NLGN4X: variants seen among roughly 807,000 people sequenced by gnomAD.
NLGN4X encodes neuroligin 4 X-linked.
Under a neutral mutation model 40.3 loss-of-function variants are expected in NLGN4X, and 3 were observed. The ratio of observed to expected loss-of-function variants is 0.07; its 90% CI spans 0.03 to 0.19. NLGN4X has a LOEUF of 0.19. NLGN4X is among the 10% of genes least tolerant of loss of function. The pLI is 1.00. For synonymous variants in NLGN4X, 270 were observed against 306.8 expected, an observed-to-expected ratio of 0.88 and a Z score of 1.25; for missense variants, 382 against 708.3, an observed-to-expected ratio of 0.54 and a Z score of 5.23.
chrX:5,936,656 A>G (rs966040538), intron 3 of NLGN4X, among the ~76,000 whole-genome samples: 15 of 112,011 alleles, frequency 1.3e-4, no homozygotes, highest in African/African-American at 4.9e-4. Context: ...GGTACATAGT[A>G]ATTACTCAAA....
intron 2 of NLGN4X, among the ~76,000 whole-genome samples, chrX:6,096,746 T>TA (rs2038786354): frequency 8.9e-6 from 1 of 111,823 alleles, no homozygotes; most frequent in Non-Finnish European, 1.9e-5. Flanking sequence ...AGCACACACA[T>TA]ACGAACATGA....
At chrX:5,947,429 G>A (rs1469612385) in intron 3 of NLGN4X, among the ~76,000 whole-genome samples, 1 of 111,952 alleles carries the variant, frequency 8.9e-6, no homozygotes, top group African/African-American at 3.2e-5. Context: ...AGTTCAAAAT[G>A]CACGCAAGGT....
chrX:6,186,670 T>C (rs1423775920), intron 1 of NLGN4X: 3 of 111,559 alleles, frequency 2.7e-5, no homozygotes, highest in Non-Finnish European at 5.6e-5. Context: ...GAAACCACCA[T>C]AGAATGAAAA....
Position 6,048,041 on chromosome X carries a change from C to G in NLGN4X, c.473-18609G>C, listed in dbSNP as rs181521557. Among the ~76,000 whole-genome samples, 26 of 111,682 alleles carry G rather than the reference C, an allele frequency of 2.3e-4. 1 individual carries two copies. The East Asian group carries it at 6.5e-3, about 28-fold the overall frequency. On this transcript the variant is annotated intron_variant, in intron 2 of 5. Coordinates refer to ENST00000381095, the MANE Select transcript of NLGN4X (RefSeq NM_181332.3). ...CTTGGTTCGTGGTCCCATGAAATTC[C>G]CGCTGTGCCCTGTCCTGTGCTTCCA...
chrX:6,084,265 A>C (rs1358889557), intron 2 of NLGN4X, among the ~76,000 whole-genome samples: 2 of 112,092 alleles, frequency 1.8e-5, no homozygotes, highest in Admixed American at 9.4e-5. Context: ...ATAGAGAACC[A>C]GTTTTGGAGA....
In NLGN4X at chrX:6,228,808, G is replaced by C. The variant is rs1012606407; in HGVS notation, c.-573C>G. On this transcript the variant is annotated 5_prime_UTR_variant, in exon 1 of 6. Transcript: ENST00000381095. ...TTACAATTGAAGCAGGAAGGGCCAA[G>C]CTAGTGGCTGAATAAGAGCTCTGTG... 4 of 112,024 alleles carry C rather than the reference G, an allele frequency of 3.6e-5. No homozygotes were observed. Among genetic ancestry groups the C allele is most frequent in the African/African-American group, 1.3e-4 (4 of 30,796 alleles). The allele number at this position is 112,024 out of a possible 1,213,427, so 9.2% of individuals were successfully genotyped here.
chrX:6,027,962 G>A lies in NLGN4X; in HGVS notation c.625+1318C>T, dbSNP rs188758342. ...CTCCTGAGTAGCTGGGATTACAGGC[G>A]CCTGCCATCAGGCCCAGTTAATTTT... On this transcript the variant is annotated intron_variant, in intron 3 of 5. Coordinates refer to ENST00000381095, the MANE Select transcript of NLGN4X (RefSeq NM_181332.3). Among the ~76,000 whole-genome samples the A allele has an allele frequency of 1.5e-3, 163 of 109,773 alleles. 1 individual carries two copies. Among genetic ancestry groups the A allele is most frequent in the Admixed American group, 4.0e-3 (41 of 10,289 alleles).
chrX:6,105,824 TTGTC>T (rs1233325026), intron 2 of NLGN4X, among the ~76,000 whole-genome samples: 1 of 112,257 alleles, frequency 8.9e-6, no homozygotes, highest in Non-Finnish European at 1.9e-5. Context: ...GGTGGTTAGA[TTGTC>T]TGTTGTTCTT....
At chrX:5,941,126 T>C (rs1601922887) in intron 3 of NLGN4X, among the ~76,000 whole-genome samples, 1 of 69,248 alleles carries the variant, frequency 1.4e-5, no homozygotes, top group African/African-American at 5.0e-5. Context: ...AGACACTCCC[T>C]CCTACAAAAA....
chrX:6,110,055 G>A (rs2039113852), intron 2 of NLGN4X, among the ~76,000 whole-genome samples: 1 of 111,633 alleles, frequency 9.0e-6, no homozygotes, highest in Non-Finnish European at 1.9e-5. Context: ...TCCCTCCAAA[G>A]CAAGGCTGCC....
intron 2 of NLGN4X, among the ~76,000 whole-genome samples, chrX:6,093,654 T>C (rs2038692946): frequency 9.0e-6 from 1 of 111,605 alleles, no homozygotes; most frequent in South Asian, 3.7e-4. Context: ...ATATCTGTCA[T>C]ATGAAATGAT....
rs147228450 is a variant in NLGN4X at position 6,014,549 on chromosome X, C to A, written c.625+14731G>T. 1.4e-4 allele frequency among the ~76,000 whole-genome samples: 16 copies of A among 111,526 alleles called. No individual in the cohort carries two copies. In the East Asian group the frequency reaches 4.2e-3, roughly 29 times the overall value. ...TAGATACCAAGTAAGGAATGTTTTT[C>A]GTGAAGGAGAGAGTCATCGAGAACT... On this transcript the variant is annotated intron_variant, in intron 3 of 5. Transcript: ENST00000381095.
chrX:5,890,258 T>C lies in NLGN4X; in HGVS notation c.*2559A>G. On this transcript the variant is annotated 3_prime_UTR_variant, in exon 6 of 6. Transcript: ENST00000381095. ...TTTTTTCTTACTTTTTTCTCATTTTTTTTCTTTTTTCTCTTTTTTATAGAT... is the reference window on the plus strand; with the variant it reads ...TTTTTTCTTACTTTTTTCTCATTTTCTTTCTTTTTTCTCTTTTTTATAGAT... The C allele has an allele frequency of 1.2e-5, 2 of 167,354 alleles. No individual in the cohort carries two copies. The highest frequency in any genetic ancestry group is 2.2e-5 in the Non-Finnish European group (2 of 90,676). 13.8% of individuals were successfully genotyped at this position (167,354 alleles called of 1,213,427 possible).
chrX:5,974,802 C>T (rs1309429825), intron 3 of NLGN4X, among the ~76,000 whole-genome samples: 2 of 112,045 alleles, frequency 1.8e-5, no homozygotes, highest in African/African-American at 6.5e-5. Flanking sequence ...CTTAATTTAT[C>T]AATTAGTCAC....
chrX:5,945,127 C>A (rs2034079967), intron 3 of NLGN4X, among the ~76,000 whole-genome samples: 1 of 111,376 alleles, frequency 9.0e-6, no homozygotes, highest in Non-Finnish European at 1.9e-5. Flanking sequence ...TTTGACCATC[C>A]AATATGCAAG....
At chrX:6,162,036 T>C (rs1228964403) in intron 1 of NLGN4X, among the ~76,000 whole-genome samples, 1 of 111,923 alleles carries the variant, frequency 8.9e-6, no homozygotes, top group East Asian at 2.8e-4. Flanking sequence ...AGATAATCAA[T>C]ACTACCTGTT....
chrX:6,081,561 T>G (rs1448033353), intron 2 of NLGN4X, among the ~76,000 whole-genome samples: 1 of 112,308 alleles, frequency 8.9e-6, no homozygotes, highest in Non-Finnish European at 1.9e-5. Flanking sequence ...TAAACTGGCC[T>G]GCTTGACAAA....
intron 2 of NLGN4X, among the ~76,000 whole-genome samples, chrX:6,069,554 A>G (rs759584409): frequency 4.5e-5 from 5 of 112,304 alleles, no homozygotes; most frequent in Admixed American, 9.4e-5. Flanking sequence ...GCTTATCCAG[A>G]CACATAAGGT....
At chrX:6,135,884 A>G (rs1351054255) in intron 2 of NLGN4X, among the ~76,000 whole-genome samples, 7 of 112,189 alleles carry the variant, frequency 6.2e-5, no homozygotes, top group Non-Finnish European at 1.1e-4. Context: ...ATGCACCGCT[A>G]GTAAATGGAA....
Sources: gnomAD v4.1 joint callset for allele counts (sites outside exome capture counted in the v4.1 genomes callset) on GRCh38, gnomAD v4.1.1 for gene constraint, MANE v1.5 for transcripts, NCBI Gene and HGNC (gene_info 2026-07-23, HGNC 2026-07-21) for gene names.